Variants in ILDR2 observed in about 807,000 individuals in gnomAD.
ILDR2 encodes immunoglobulin like domain containing receptor 2.
Under a neutral mutation model 66.8 loss-of-function variants are expected in ILDR2, and 25 were observed. The ratio of observed to expected loss-of-function variants is 0.37; its 90% CI spans 0.27 to 0.52. ILDR2 has a LOEUF of 0.52. Ranked by LOEUF, ILDR2 falls within the 20% of genes least tolerant of loss-of-function variation. The pLI, the probability that ILDR2 is intolerant of heterozygous loss-of-function variation, is 0.88. For synonymous variants in ILDR2, 367 were observed against 357.2 expected (o/e 1.03, Z -0.31); for missense variants, 827 against 876.8 (o/e 0.94, Z 0.72).
In ILDR2 at chr1:166,914,312, C is replaced by T. The variant is rs1659562975; in HGVS notation, c.*5043G>A. On this transcript the variant is annotated 3_prime_UTR_variant, in exon 10 of 10. Coordinates refer to ENST00000271417, the MANE Select transcript of ILDR2 (RefSeq NM_199351.3). ...ACGGCTCTTCTCACCAGATGTCTGG[C>T]TGTGAAGAGAAACTGGAATCTGGAA... The T allele has an allele frequency of 6.6e-6, 1 of 152,080 alleles. No individual in the cohort carries two copies. The highest frequency in any genetic ancestry group is 2.1e-4 in the South Asian group (1 of 4,824). The allele number at this position is 152,080 out of a possible 1,614,324, so 9.4% of individuals were successfully genotyped here. A position where few individuals can be genotyped will look rare whatever the true frequency, so the allele number is the denominator to read the frequency against.
chr1:166,971,436 C>G (rs566817238), intron 1 of ILDR2, among the ~76,000 whole-genome samples: 1 of 152,244 alleles, frequency 6.6e-6, no homozygotes, highest in African/African-American at 2.4e-5. Flanking sequence ...CTTTAACTAC[C>G]ATGACAAAGT....
intron 3 of ILDR2, among the ~76,000 whole-genome samples, chr1:166,954,547 G>A (rs1237529726): frequency 6.6e-6 from 1 of 152,152 alleles, no homozygotes; most frequent in African/African-American, 2.4e-5. Flanking sequence ...AAAACAGAAT[G>A]ATGTGTTTCT....
At chr1:166,903,685 G>A (rs544325950), downstream of ILDR2, among the ~76,000 whole-genome samples, 1 of 152,196 alleles carries the variant, frequency 6.6e-6, no homozygotes, top group South Asian at 2.1e-4. Context: ...TGATGTTGGG[G>A]GCCCCTGCAG....
At chr1:166,964,766 T>A (rs1662830825) in intron 1 of ILDR2, among the ~76,000 whole-genome samples, 1 of 152,084 alleles carries the variant, frequency 6.6e-6, no homozygotes, top group Non-Finnish European at 1.5e-5. Context: ...TCGCTGCATG[T>A]GCAAAAAAAG....
intron 3 of ILDR2, among the ~76,000 whole-genome samples, chr1:166,940,397 T>G (rs774376502): frequency 6.6e-6 from 1 of 152,234 alleles, no homozygotes. Flanking sequence ...CATGTTCTCA[T>G]ATCAAGGTGA....
At chr1:166,947,525 C>A (rs978759438) in intron 3 of ILDR2, among the ~76,000 whole-genome samples, 1 of 152,238 alleles carries the variant, frequency 6.6e-6, no homozygotes, top group African/African-American at 2.4e-5. Flanking sequence ...CAAGCCTGCA[C>A]GCCTGAATAG....
chr1:166,913,815 G>C lies in ILDR2; in HGVS notation c.*5540C>G, dbSNP rs6427045. 149,627 of 152,340 alleles carry C rather than the reference G, an allele frequency of 0.98. 73,502 individuals are homozygous for C. Among genetic ancestry groups the C allele is most frequent in the Middle Eastern group, 1 (294 of 294 alleles). The allele number at this position is 152,340 out of a possible 1,614,324, so 9.4% of individuals were successfully genotyped here. A position where few individuals can be genotyped will look rare whatever the true frequency, so the allele number is the denominator to read the frequency against. ...GCATATATTACCCCTCACAGCACAG[G>C]TGATGAAAGTGAGGCTCTCAGCTGG... On this transcript the variant is annotated 3_prime_UTR_variant, in exon 10 of 10. Coordinates refer to ENST00000271417, the MANE Select transcript of ILDR2 (RefSeq NM_199351.3).
rs1365220009 is a variant in ILDR2 at position 166,910,194 on chromosome 1, C to T, written c.*9161G>A. On this transcript the variant is annotated 3_prime_UTR_variant, in exon 10 of 10. Transcript: ENST00000271417. ...CTGACTTCAGAAAACAATTGTAATT[C>T]CATGGTGTTAAAAGCACACTTTAAA... 1 of 152,008 alleles carries T rather than the reference C, an allele frequency of 6.6e-6. No homozygotes were observed. Among genetic ancestry groups the T allele is most frequent in the African/African-American group, 2.4e-5 (1 of 41,402 alleles). The allele number at this position is 152,008 out of a possible 1,614,324, so 9.4% of individuals were successfully genotyped here. A position where few individuals can be genotyped will look rare whatever the true frequency, so the allele number is the denominator to read the frequency against.
intron 3 of ILDR2, among the ~76,000 whole-genome samples, chr1:166,947,712 A>G (rs1023187048): frequency 3.3e-5 from 5 of 152,042 alleles, no homozygotes; most frequent in African/African-American, 1.2e-4. Context: ...ACTACAATGC[A>G]GCGCGCGGCT....
rs551118864 is a variant in ILDR2, at chr1:166,956,761, A to C, written c.471T>G (p.Asn157Lys). 1.2e-6 allele frequency: 2 copies of C among 1,613,958 alleles called. No homozygotes were observed. Among genetic ancestry groups the C allele is most frequent in the East Asian group, 4.5e-5 (2 of 44,868 alleles). The change falls in exon 3 of 10, where the codon AAT becomes AAG. Residue 157 changes from asparagine (N) to lysine (K), a missense_variant. Coordinates refer to ENST00000271417, the MANE Select transcript of ILDR2 (RefSeq NM_199351.3). ...ITTPDDLEGK[N>K]EDSVELLVLG... ...ACACCAGCAGTTCCACTGAGTCCTC[A>C]TTTTTCCCCTCCAGGTCATCTGGGG...
intron 9 of ILDR2, among the ~76,000 whole-genome samples, chr1:166,920,021 C>T (rs2101847523): frequency 6.6e-6 from 1 of 152,212 alleles, no homozygotes; most frequent in South Asian, 2.1e-4. Flanking sequence ...TCCAGGGCTC[C>T]CATTTTGGGG....
chr1:166,951,207 G>A (rs932549527), intron 3 of ILDR2, among the ~76,000 whole-genome samples: 2 of 152,174 alleles, frequency 1.3e-5, no homozygotes, highest in African/African-American at 2.4e-5. Flanking sequence ...TGAAACTATG[G>A]GGAAAGAGGC....
chr1:166,944,479 C>G (rs887448065), intron 3 of ILDR2, among the ~76,000 whole-genome samples: 1 of 152,134 alleles, frequency 6.6e-6, no homozygotes, highest in Non-Finnish European at 1.5e-5. Flanking sequence ...TTTCATCAGC[C>G]CTCTTTGCAT....
At chr1:166,954,410 C>A (rs892114759) in intron 3 of ILDR2, among the ~76,000 whole-genome samples, 1 of 152,156 alleles carries the variant, frequency 6.6e-6, no homozygotes, top group Non-Finnish European at 1.5e-5. Flanking sequence ...AAATACAGTG[C>A]TTTATGGACT....
At chr1:166,967,276 T>C (rs1181327710) in intron 1 of ILDR2, among the ~76,000 whole-genome samples, 1 of 152,194 alleles carries the variant, frequency 6.6e-6, no homozygotes, top group Non-Finnish European at 1.5e-5. Context: ...TTGGAAACGG[T>C]AGGCTTATCC....
intron 3 of ILDR2, among the ~76,000 whole-genome samples, chr1:166,947,626 T>C (rs1385665082): frequency 3.3e-5 from 5 of 152,064 alleles, no homozygotes; most frequent in African/African-American, 4.8e-5. Flanking sequence ...TGAGCCAATT[T>C]CTCGGTGCCA....
Position 166,921,128 on chromosome 1 carries a change from A to G in ILDR2, c.1463T>C (p.Leu488Pro). ...YGQRSRSREP[L>P]TDADRGWAFS... ...GGCCCAGCCGCGGTCAGCATCGGTC[A>G]GGGGCTCGCGGCTGCGGCTGCGCTG... Residue 488 changes from leucine to proline, a missense_variant, in exon 9 of 10, where the codon CTG becomes CCG. Coordinates refer to ENST00000271417, the MANE Select transcript of ILDR2 (RefSeq NM_199351.3). This position sits in a 1 kb window ranked among gnomAD's most constrained non-coding sequence, Gnocchi z 5.3. The G allele has an allele frequency of 6.5e-7, 1 of 1,529,778 alleles. No individual in the cohort carries two copies. Among genetic ancestry groups the G allele is most frequent in the Non-Finnish European group, 8.7e-7 (1 of 1,143,954 alleles). The allele number at this position is 1,529,778 out of a possible 1,614,324, so 94.8% of individuals were successfully genotyped here. A position where few individuals can be genotyped will look rare whatever the true frequency, so the allele number is the denominator to read the frequency against.
intron 1 of ILDR2, among the ~76,000 whole-genome samples, chr1:166,974,483 A>G (rs915047232): frequency 3.9e-5 from 6 of 152,228 alleles, no homozygotes; most frequent in Non-Finnish European, 7.3e-5. Context: ...ACCCAGCTAG[A>G]CCAGTGACTT....
downstream of ILDR2, among the ~76,000 whole-genome samples, chr1:166,907,743 C>T (rs1659374788): frequency 1.3e-5 from 2 of 152,034 alleles, no homozygotes; most frequent in Admixed American, 1.3e-4. Context: ...AAAAATTATA[C>T]ATATTTTGAG....
Sources: gnomAD v4.1 joint callset for allele counts (sites outside exome capture counted in the v4.1 genomes callset) on GRCh38, gnomAD v4.1.1 for gene constraint, Gnocchi (gnomAD v3.1) non-coding constraint, MANE v1.5 for transcripts, NCBI Gene and HGNC (gene_info 2026-07-23, HGNC 2026-07-21) for gene names.